SEC23IP: variants seen among roughly 807,000 people sequenced by gnomAD.
SEC23IP encodes SEC23 interacting protein, also known as SEC23-interacting protein.
Under a neutral mutation model 113.4 loss-of-function variants are expected in SEC23IP, and 70 were observed. The ratio of observed to expected loss-of-function variants is 0.62; its 90% CI spans 0.51 to 0.75. SEC23IP has a LOEUF of 0.75. Among genes scored for constraint, SEC23IP ranks in the 30% least tolerant of loss-of-function variants. The pLI, the probability that SEC23IP is intolerant of heterozygous loss-of-function variation, is 0.00. For synonymous variants in SEC23IP, 398 were observed against 421.0 expected (o/e 0.95, Z 0.67); for missense variants, 1,160 against 1,204.9 (o/e 0.96, Z 0.55).
chr10:119,909,030 C>A lies in SEC23IP; in HGVS notation c.1102-11C>A. 6.4e-7 allele frequency: 1 copy of A among 1,574,610 alleles called. No individual in the cohort carries two copies. The highest frequency in any genetic ancestry group is 8.7e-7 in the Non-Finnish European group (1 of 1,153,086). On this transcript the variant is annotated splice_polypyrimidine_tract_variant and intron_variant, in intron 4 of 18. Coordinates refer to ENST00000369075, the MANE Select transcript of SEC23IP (RefSeq NM_007190.4). Reference sequence around the variant, plus strand: ...GTCATGTTGGAATATATGTTGTTTCCCCCATTATAGGCTGAATATAAAAAA... The same window carrying A: ...GTCATGTTGGAATATATGTTGTTTCACCCATTATAGGCTGAATATAAAAAA...
chr10:119,892,741 A>G lies in SEC23IP; in HGVS notation c.-42A>G. 1 of 1,563,710 alleles carries G rather than the reference A, an allele frequency of 6.4e-7. No individual in the cohort carries two copies. The highest frequency in any genetic ancestry group is 8.7e-7 in the Non-Finnish European group (1 of 1,153,220). On this transcript the variant is annotated 5_prime_UTR_variant, in exon 1 of 19. Transcript: ENST00000369075. The stretch of plus-strand genomic sequence containing the variant: ...ATCGGTTTCCGGTCAGTGGTGTGGT[A>G]CCGGGTACCCGGAGACGTGTATCGG...
intron 4 of SEC23IP, among the ~76,000 whole-genome samples, chr10:119,906,980 T>A (rs77501604): frequency 2.6e-5 from 4 of 151,476 alleles, no homozygotes; most frequent in African/African-American, 4.9e-5. Context: ...TTTTTTTTTT[T>A]AAATCGAAGA....
chr10:119,910,126 C>A (rs1196167400), intron 5 of SEC23IP, among the ~76,000 whole-genome samples: 1 of 152,196 alleles, frequency 6.6e-6, no homozygotes, highest in African/African-American at 2.4e-5. Flanking sequence ...ATGTGTAAAC[C>A]AATGGGTATG....
intron 6 of SEC23IP, chr10:119,914,490 T>C (rs1338622521): frequency 2.1e-6 from 1 of 476,062 alleles, no homozygotes; most frequent in Non-Finnish European, 3.8e-6. Context: ...CATGTGCTAT[T>C]AGCTTCCAGG....
chr10:119,939,173 C>A (rs1181810937), intron 18 of SEC23IP, among the ~76,000 whole-genome samples: 1 of 151,456 alleles, frequency 6.6e-6, no homozygotes, highest in Non-Finnish European at 1.5e-5. Flanking sequence ...AAAAAAATCA[C>A]TGGGGCATGA....
chr10:119,933,938 G>C (rs987907210), intron 18 of SEC23IP, among the ~76,000 whole-genome samples, 151 bp downstream of exon 18: 2 of 152,152 alleles, frequency 1.3e-5, no homozygotes, highest in African/African-American at 4.8e-5. Context: ...CATTAAGGAA[G>C]ATAATTGGTT....
chr10:119,919,361 G>A (rs1280286930), intron 10 of SEC23IP, 83 bp from the exon 11 acceptor site: 1 of 1,278,670 alleles, frequency 7.8e-7, no homozygotes, highest in African/African-American at 1.5e-5. Flanking sequence ...AAGCAAAATT[G>A]TTTGAGAGTT....
At chr10:119,938,159 G>T (rs1246325679) in intron 18 of SEC23IP, among the ~76,000 whole-genome samples, 1 of 151,230 alleles carries the variant, frequency 6.6e-6, no homozygotes, top group Non-Finnish European at 1.5e-5. Context: ...TAAGTCAGCT[G>T]TTGCCTTAAC....
At chr10:119,930,613 C>T (rs1855565821) in intron 15 of SEC23IP, among the ~76,000 whole-genome samples, 182 bp downstream of exon 15, 1 of 152,132 alleles carries the variant, frequency 6.6e-6, no homozygotes, top group African/African-American at 2.4e-5. Flanking sequence ...AATTATTTCT[C>T]TTTGATGGCA....
At chr10:119,908,836 G>T (rs1854764659) in intron 4 of SEC23IP, among the ~76,000 whole-genome samples, 1 of 152,120 alleles carries the variant, frequency 6.6e-6, no homozygotes, top group African/African-American at 2.4e-5. Flanking sequence ...ATTATATAAT[G>T]GGGATCCTGT....
chr10:119,926,053 A>G lies in SEC23IP; in HGVS notation c.2139A>G (p.Glu713=). The G allele has an allele frequency of 6.2e-7, 1 of 1,611,754 alleles. No homozygotes were observed. The highest frequency in any genetic ancestry group is 8.5e-7 in the Non-Finnish European group (1 of 1,179,270). Residue 713 remains glutamate, a synonymous_variant, in exon 13 of 19, where the codon GAA becomes GAG. Coordinates refer to ENST00000369075, the MANE Select transcript of SEC23IP (RefSeq NM_007190.4). ...KAAKLKKAAS[E]KKAVAATSTK... is the part of the protein sequence containing the mutation. Reference sequence around the variant, plus strand: ...TTTTACAGAAAAAAGCAGCGTCAGAAAAGAAGGCAGTGGCGGCCACTTCTA... The same window carrying G: ...TTTTACAGAAAAAAGCAGCGTCAGAGAAGAAGGCAGTGGCGGCCACTTCTA...
chr10:119,933,056 G>C lies in SEC23IP; in HGVS notation c.2810G>C (p.Gly937Ala). Reference protein sequence around the residue: ...PDFSKDEDYLGKVGMLNGGRR... With the variant: ...PDFSKDEDYLAKVGMLNGGRR... ...TTTTCCAAGGATGAGGACTACTTAG[G>C]AAAGGTTGGAATGTTAAATGGAGGC... The change falls in exon 17 of 19, where the codon GGA becomes GCA. Residue 937 changes from glycine (G) to alanine (A), a missense_variant. Coordinates refer to ENST00000369075, the MANE Select transcript of SEC23IP (RefSeq NM_007190.4). The C allele has an allele frequency of 1.9e-6, 3 of 1,614,112 alleles. No homozygotes were observed. Among genetic ancestry groups the C allele is most frequent in the Non-Finnish European group, 2.5e-6 (3 of 1,179,980 alleles).
At chr10:119,917,085 T>G (rs924912258) in intron 8 of SEC23IP, among the ~76,000 whole-genome samples, 15 of 152,292 alleles carry the variant, frequency 9.8e-5, no homozygotes, top group African/African-American at 3.4e-4. Flanking sequence ...CTCAAGCTGG[T>G]CTTGATCTCC....
chr10:119,943,672 A>G lies in SEC23IP; in HGVS notation c.*3107A>G, dbSNP rs1485014020. 1 of 152,226 alleles carries G rather than the reference A, an allele frequency of 6.6e-6. No individual in the cohort carries two copies. The highest frequency in any genetic ancestry group is 1.5e-5 in the Non-Finnish European group (1 of 68,036). The allele number at this position is 152,226 out of a possible 1,614,324, so 9.4% of individuals were successfully genotyped here. The stretch of plus-strand genomic sequence containing the variant: ...ATTGGTCCCAGAGAACACTGAAAAT[A>G]ATGTCATGTTGTTAACACCAGTGGG... On this transcript the variant is annotated 3_prime_UTR_variant, in exon 19 of 19. Transcript: ENST00000369075.
Position 119,943,570 on chromosome 10 carries a change from A to T in SEC23IP, c.*3005A>T, listed in dbSNP as rs1856011598. ...TCGCCACTGCACTCTAGCCTGAGTG[A>T]CAGAGCGAGACTCTGTCTCAAAAAA... On this transcript the variant is annotated 3_prime_UTR_variant, in exon 19 of 19. Coordinates refer to ENST00000369075, the MANE Select transcript of SEC23IP (RefSeq NM_007190.4). 1 of 152,164 alleles carries T rather than the reference A, an allele frequency of 6.6e-6. No homozygotes were observed. Among genetic ancestry groups the T allele is most frequent in the Non-Finnish European group, 1.5e-5 (1 of 68,032 alleles). The allele number at this position is 152,164 out of a possible 1,614,324, so 9.4% of individuals were successfully genotyped here.
chr10:119,894,279 C>T (rs1046287595), intron 1 of SEC23IP, among the ~76,000 whole-genome samples: 4 of 152,154 alleles, frequency 2.6e-5, no homozygotes, highest in Non-Finnish European at 5.9e-5. Flanking sequence ...GTACATAGAT[C>T]CTCTTTGGAT....
At position 119,908,927 on chromosome 10, in the gene SEC23IP, A is replaced by G. The variant is rs900975308; in HGVS notation, c.1102-114A>G. 1.1e-4 allele frequency: 70 copies of G among 663,632 alleles called. No homozygotes were observed. In the Admixed American group the frequency reaches 1.4e-3, roughly 13 times the overall value. 41.1% of individuals were successfully genotyped at this position (663,632 alleles called of 1,614,324 possible). On this transcript the variant is annotated intron_variant, in intron 4 of 18. Transcript: ENST00000369075. ...ATATGTTAACCAGTCAGGAAATGAG[A>G]ACTGCTATTACTGTTATTTTTATCA... is the stretch of plus-strand genomic sequence containing the variant.
chr10:119,925,483 GA>G (rs1855390415), intron 12 of SEC23IP, among the ~76,000 whole-genome samples: 3 of 152,210 alleles, frequency 2.0e-5, no homozygotes, highest in African/African-American at 7.2e-5. Flanking sequence ...TAGACATCAT[GA>G]CATTTGTTCC....
At chr10:119,912,670 T>C (rs191803398) in intron 6 of SEC23IP, among the ~76,000 whole-genome samples, 1 of 149,390 alleles carries the variant, frequency 6.7e-6, no homozygotes, top group East Asian at 2.0e-4. Context: ...AGACAGGGTC[T>C]CACTCTGTTG....
Sources: allele counts gnomAD v4.1 joint callset (sites outside exome capture counted in the v4.1 genomes callset), GRCh38; gene constraint gnomAD v4.1.1; transcripts MANE v1.5; gene names NCBI Gene and HGNC (gene_info 2026-07-23, HGNC 2026-07-21).